Variants in ASPH observed in about 807,000 individuals in gnomAD.
ASPH encodes aspartate beta-hydroxylase, also known as aspartyl/asparaginyl beta-hydroxylase.
A neutral mutation model predicts 118.4 loss-of-function variants in ASPH; 100 were observed. The ratio of observed to expected loss-of-function variants is 0.84; its 90% confidence interval spans 0.72 to 1.00. ASPH has a LOEUF of 1.00. ASPH is among the 50% of genes least tolerant of loss of function. ASPH has a pLI of 0.00. For missense variants in ASPH, 920 were observed against 919.5 expected (o/e 1.00, Z -0.01); for synonymous variants, 315 against 325.6 (o/e 0.97, Z 0.35).
chr8:61,642,781 G>A, intron 10 of ASPH, 107 bp downstream of exon 10: 1 of 983,202 alleles, frequency 1.0e-6, no homozygotes, highest in Non-Finnish European at 1.4e-6. Flanking sequence ...GGAGGCGGAG[G>A]TTGTAGTGGG....
intron 18 of ASPH, among the ~76,000 whole-genome samples, chr8:61,560,104 C>A (rs551993772): frequency 2.6e-5 from 4 of 152,220 alleles, no homozygotes; most frequent in Non-Finnish European, 5.9e-5. Flanking sequence ...TGGGCACATT[C>A]TGCGTGTGTT....
At position 61,626,048 on chromosome 8, in the gene ASPH, A is replaced by G. The variant is rs572184924; in HGVS notation, c.935-7029T>C. On this transcript the variant is annotated intron_variant, in intron 13 of 24. Transcript: ENST00000379454. ...ATCCACTAATGCTATCAAAAGGGACATGCAGGAATGTAACATGACATTTTT... is the reference window on the plus strand; with the variant it reads ...ATCCACTAATGCTATCAAAAGGGACGTGCAGGAATGTAACATGACATTTTT... 11 of 1,233,794 alleles carry G rather than the reference A, an allele frequency of 8.9e-6. No individual in the cohort carries two copies. The Admixed American group carries it at 1.3e-4, about 14-fold the overall frequency. The allele number at this position is 1,233,794 out of a possible 1,614,324, so 76.4% of individuals were successfully genotyped here. A position where few individuals can be genotyped will look rare whatever the true frequency, so the allele number is the denominator to read the frequency against.
At chr8:61,563,594 G>C (rs1320081) in intron 17 of ASPH, among the ~76,000 whole-genome samples, 123,051 of 152,210 alleles carry the variant, frequency 0.81, 50,100 homozygotes, top group Non-Finnish European at 0.85. Flanking sequence ...AGAGTGATGG[G>C]AGTGTCAGTA....
chr8:61,686,411 A>G (rs1830555202), intron 1 of ASPH, among the ~76,000 whole-genome samples: 1 of 152,158 alleles, frequency 6.6e-6, no homozygotes. Context: ...AAAGAAAAAT[A>G]CAAATTAAAC....
chr8:61,509,629 A>T (rs969031399), intron 24 of ASPH, among the ~76,000 whole-genome samples: 1 of 152,154 alleles, frequency 6.6e-6, no homozygotes, highest in Non-Finnish European at 1.5e-5. Flanking sequence ...CCATCTGGGA[A>T]TGCAGCCCAG....
In ASPH at chr8:61,651,121, G is replaced by A. The variant is rs1225787380; in HGVS notation, c.419C>T (p.Pro140Leu). 6.2e-7 allele frequency: 1 copy of A among 1,613,186 alleles called. No homozygotes were observed. The highest frequency in any genetic ancestry group is 8.5e-7 in the Non-Finnish European group (1 of 1,179,656). Residue 140 changes from proline (P) to leucine (L), a missense_variant, in exon 5 of 25, where the codon CCC becomes CTC. Pro to Leu is a moderately conservative substitution (Grantham distance 98). Coordinates refer to ENST00000379454, the MANE Select transcript of ASPH (RefSeq NM_004318.4). ...TTTTGCTTCATCTTCGATATTCTGG[G>A]GTTCTAAAATAATTGCAAAACATAG... is the stretch of plus-strand genomic sequence containing the variant. The part of the protein sequence containing the change: ...PEEQVPVEAE[P>L]QNIEDEAKEQ...
chr8:61,573,712 A>G (rs1834190596), intron 16 of ASPH, among the ~76,000 whole-genome samples: 1 of 151,702 alleles, frequency 6.6e-6, no homozygotes, highest in Admixed American at 6.6e-5. Context: ...CAAAAATTAA[A>G]GACTTCAATG....
chr8:61,578,841 G>T (rs140953320), intron 15 of ASPH: 1 of 1,611,810 alleles, frequency 6.2e-7, no homozygotes, highest in Admixed American at 1.7e-5. Context: ...CATGAACAAG[G>T]TAGAGCTGGA....
At chr8:61,577,270 A>G (rs868645904) in intron 15 of ASPH, among the ~76,000 whole-genome samples, 2 of 151,838 alleles carry the variant, frequency 1.3e-5, no homozygotes, top group Non-Finnish European at 2.9e-5. Context: ...GCACATGTAT[A>G]CTGTATACAT....
At chr8:61,559,899 C>T (rs762689298) in intron 18 of ASPH, among the ~76,000 whole-genome samples, 26 of 150,106 alleles carry the variant, frequency 1.7e-4, no homozygotes, top group Non-Finnish European at 2.5e-4. Flanking sequence ...GATTTAAAGC[C>T]GAGGGAGATG....
At chr8:61,661,489 T>C (rs1454365816) in intron 3 of ASPH, 1 of 153,230 alleles carries the variant, frequency 6.5e-6, no homozygotes, top group Non-Finnish European at 1.5e-5. Context: ...CAATGGAATA[T>C]TCTGAGCAAT....
intron 21 of ASPH, among the ~76,000 whole-genome samples, chr8:61,543,213 C>T (rs1030542474): frequency 6.6e-6 from 1 of 152,060 alleles, no homozygotes; most frequent in Non-Finnish European, 1.5e-5. Context: ...TTCAAACAGT[C>T]CTTCTGCCAC....
intron 1 of ASPH, among the ~76,000 whole-genome samples, chr8:61,696,910 G>A (rs1834034240): frequency 6.6e-6 from 1 of 152,128 alleles, no homozygotes; most frequent in Non-Finnish European, 1.5e-5. Flanking sequence ...TAAATTTCAA[G>A]GCAATGAGAC....
At chr8:61,577,709 G>C (rs759830700) in intron 15 of ASPH, among the ~76,000 whole-genome samples, 2 of 152,136 alleles carry the variant, frequency 1.3e-5, no homozygotes, top group African/African-American at 4.8e-5. Context: ...AGTGAGGAGC[G>C]AAGGGGGAAG....
intron 3 of ASPH, chr8:61,665,623 T>C (rs1293931533): frequency 6.5e-7 from 1 of 1,546,422 alleles, no homozygotes; most frequent in Non-Finnish European, 8.6e-7. Flanking sequence ...GATTTTCCAA[T>C]TAAAGGAAAA....
chr8:61,576,358 T>C (rs1233354961), intron 16 of ASPH, among the ~76,000 whole-genome samples: 1 of 152,182 alleles, frequency 6.6e-6, no homozygotes, highest in African/African-American at 2.4e-5. Flanking sequence ...GAAAAAACTA[T>C]AGAGACATCA....
chr8:61,614,006 T>C (rs781058557), intron 14 of ASPH, among the ~76,000 whole-genome samples: 32 of 152,210 alleles, frequency 2.1e-4, no homozygotes, highest in Non-Finnish European at 3.4e-4. Flanking sequence ...CAAGCTGATT[T>C]ACTGGCTGTA....
rs758352996 is a variant in ASPH at position 61,612,176 on chromosome 8, T to C, written c.976+6802A>G. 3.8e-4 allele frequency among the ~76,000 whole-genome samples: 58 copies of C among 152,162 alleles called. 2 individuals carry two copies. The highest frequency in any genetic ancestry group is 1.7e-3 in the South Asian group (8 of 4,828). ...TATTAATGAGTAAACAGACATGGAATCTTAATAGTGAAATGGAAACTACAA... is the reference window on the plus strand; with the variant it reads ...TATTAATGAGTAAACAGACATGGAACCTTAATAGTGAAATGGAAACTACAA... On this transcript the variant is annotated intron_variant, in intron 14 of 24. Transcript: ENST00000379454.
At chr8:61,576,678 A>C in intron 16 of ASPH, 94 bp downstream of exon 16, 1 of 1,089,560 alleles carries the variant, frequency 9.2e-7, no homozygotes, top group Non-Finnish European at 1.3e-6. Flanking sequence ...CTGTAGAGAA[A>C]TTAGAAAGGG....
Sources: allele counts gnomAD v4.1 joint callset (sites outside exome capture counted in the v4.1 genomes callset), GRCh38; gene constraint gnomAD v4.1.1; transcripts MANE v1.5; gene names NCBI Gene and HGNC (gene_info 2026-07-23, HGNC 2026-07-21).